Variants in ADSS2 observed in about 807,000 individuals in gnomAD.
ADSS2 encodes adenylosuccinate synthetase isozyme 2.
Under a neutral mutation model 60.0 loss-of-function variants are expected in ADSS2, and 30 were observed. The ratio of observed to expected loss-of-function variants is 0.50; its 90% confidence interval spans 0.37 to 0.68. ADSS2 has a LOEUF of 0.68. ADSS2 is among the 30% of genes least tolerant of loss of function. The probability of loss-of-function intolerance (pLI) is 0.00; values close to 1 mark genes in which losing one functional copy is unlikely to be tolerated. For synonymous variants in ADSS2, 187 were observed against 193.1 expected, an observed-to-expected ratio of 0.97 and a Z score of 0.26; for missense variants, 373 against 554.8, an observed-to-expected ratio of 0.67 and a Z score of 3.29.
At chr1:244,418,097 A>G (rs1330619270) in intron 9 of ADSS2, among the ~76,000 whole-genome samples, 1 of 152,232 alleles carries the variant, frequency 6.6e-6, no homozygotes, top group Middle Eastern at 3.2e-3. Flanking sequence ...CCTGAAAACC[A>G]TAAGGCAAAT....
At chr1:244,409,972 G>C (rs551130701) in intron 12 of ADSS2, among the ~76,000 whole-genome samples, 1 of 152,266 alleles carries the variant, frequency 6.6e-6, no homozygotes, top group African/African-American at 2.4e-5. Context: ...GCCAAGATAA[G>C]CATCTTCAAC....
chr1:244,440,683 A>G (rs1665215718), intron 1 of ADSS2, among the ~76,000 whole-genome samples: 1 of 152,224 alleles, frequency 6.6e-6, no homozygotes, highest in Admixed American at 6.5e-5. Flanking sequence ...ACCAGTTAGC[A>G]CAAGTTTTTG....
At chr1:244,411,218 C>CAA (rs367805844) in intron 12 of ADSS2, 69 bp downstream of exon 12, 3,277 of 1,148,902 alleles carry the variant, frequency 2.9e-3, no homozygotes, top group Admixed American at 9.2e-3. Flanking sequence ...GACTCCGTCT[C>CAA]AAAAAAAAAA....
At chr1:244,444,470 C>A (rs1223047532) in intron 1 of ADSS2, among the ~76,000 whole-genome samples, 2 of 132,490 alleles carry the variant, frequency 1.5e-5, no homozygotes, top group African/African-American at 2.9e-5. Flanking sequence ...AGCCGAGATC[C>A]CGCCACTGCA....
chr1:244,425,328 T>C (rs780976964), intron 4 of ADSS2, among the ~76,000 whole-genome samples: 9 of 152,188 alleles, frequency 5.9e-5, no homozygotes, highest in Non-Finnish European at 1.0e-4. Context: ...AATTCATCCA[T>C]TTAAGATGTA....
At chr1:244,423,748 A>C (rs1412268055) in intron 6 of ADSS2, among the ~76,000 whole-genome samples, 1 of 152,184 alleles carries the variant, frequency 6.6e-6, no homozygotes, top group Non-Finnish European at 1.5e-5. Flanking sequence ...ATTCTATTAA[A>C]TCACCGTCAT....
intron 2 of ADSS2, among the ~76,000 whole-genome samples, chr1:244,437,203 A>G (rs1665124658): frequency 6.6e-6 from 1 of 152,122 alleles, no homozygotes; most frequent in South Asian, 2.1e-4. Context: ...GGGGAATCAC[A>G]CCCTATTAGT....
intron 1 of ADSS2, among the ~76,000 whole-genome samples, chr1:244,445,064 T>C (rs1476621840): frequency 1.3e-5 from 2 of 152,176 alleles, no homozygotes; most frequent in East Asian, 1.9e-4. Flanking sequence ...ATTTGAGTAC[T>C]GAGAAGGAAA....
intron 4 of ADSS2, 129 bp from the exon 5 acceptor site, chr1:244,424,516 TTAGAAGTGATGA>T: frequency 1.5e-6 from 1 of 676,028 alleles, no homozygotes; most frequent in Non-Finnish European, 2.5e-6. Context: ...AAACACATTT[TTAGAAGTGATGA>T]TAGAAGTTTA....
At chr1:244,444,403 T>C (rs1430719874) in intron 1 of ADSS2, among the ~76,000 whole-genome samples, 1 of 144,466 alleles carries the variant, frequency 6.9e-6, no homozygotes, top group Non-Finnish European at 1.5e-5. Flanking sequence ...TAGTCCCAGC[T>C]ACTTGGGAGG....
chr1:244,419,180 G>C, intron 8 of ADSS2: 1 of 288,972 alleles, frequency 3.5e-6, no homozygotes, highest in African/African-American at 2.2e-5. Context: ...CTTTATAGCA[G>C]CTACTCACTT....
chr1:244,416,526 C>T (rs1259699536), intron 10 of ADSS2, among the ~76,000 whole-genome samples: 1 of 152,122 alleles, frequency 6.6e-6, no homozygotes, highest in African/African-American at 2.4e-5. Flanking sequence ...CACCAGGTTG[C>T]CCAGGCTGGT....
In ADSS2 at chr1:244,419,160, T is replaced by C. The variant is rs145243251; in HGVS notation, c.791-246A>G. ...GCTCCTTGAATGCATGTACAGTTAC[T>C]GACTCAGCTCTTTATAGCAGCTACT... On this transcript the variant is annotated intron_variant, in intron 8 of 12. Coordinates refer to ENST00000366535, the MANE Select transcript of ADSS2 (RefSeq NM_001126.5). 1.5e-3 allele frequency: 528 copies of C among 344,000 alleles called. 3 individuals are homozygous for C. The highest frequency in any genetic ancestry group is 9.5e-3 in the African/African-American group (451 of 47,426). 21.3% of individuals were successfully genotyped at this position (344,000 alleles called of 1,614,324 possible).
At chr1:244,411,762 T>C (rs1369685847) in intron 11 of ADSS2, among the ~76,000 whole-genome samples, 2 of 152,222 alleles carry the variant, frequency 1.3e-5, no homozygotes, top group Non-Finnish European at 2.9e-5. Flanking sequence ...TTTTAAAGCT[T>C]ATTGAATTTC....
intron 1 of ADSS2, among the ~76,000 whole-genome samples, chr1:244,446,920 A>G (rs186962617): frequency 6.0e-4 from 92 of 152,320 alleles, no homozygotes; most frequent in Middle Eastern, 3.4e-3. Context: ...TTCCTTTAAA[A>G]AAGATGTTAA....
intron 4 of ADSS2, among the ~76,000 whole-genome samples, chr1:244,427,039 C>G (rs1664822436): frequency 1.3e-5 from 2 of 152,106 alleles, no homozygotes; most frequent in East Asian, 3.9e-4. Context: ...AGCCACCTAA[C>G]TAATCTGGAT....
At chr1:244,411,481 T>C (rs763665030) in intron 11 of ADSS2, 45 bp from the exon 12 acceptor site, 4 of 1,559,834 alleles carry the variant, frequency 2.6e-6, no homozygotes, top group South Asian at 1.2e-5. Flanking sequence ...CACTGTTTAC[T>C]GTCAAACAAC....
intron 1 of ADSS2, among the ~76,000 whole-genome samples, chr1:244,445,720 G>T (rs982243808): frequency 6.6e-6 from 1 of 151,938 alleles, no homozygotes; most frequent in African/African-American, 2.4e-5. Context: ...TCTTAACTTG[G>T]TTTCACTACT....
At chr1:244,441,554 C>CA (rs911003560) in intron 1 of ADSS2, among the ~76,000 whole-genome samples, 3 of 152,100 alleles carry the variant, frequency 2.0e-5, no homozygotes, top group Non-Finnish European at 4.4e-5. Context: ...ATAGCCCAAG[C>CA]AGGCCTTGAA....
Sources: allele counts gnomAD v4.1 joint callset (sites outside exome capture counted in the v4.1 genomes callset), GRCh38; gene constraint gnomAD v4.1.1; transcripts MANE v1.5; gene names NCBI Gene and HGNC (gene_info 2026-07-23, HGNC 2026-07-21).